The following VOPP1 variants were observed in gnomAD, a reference collection of about 807,000 sequenced individuals.
The protein encoded by VOPP1 is VOPP1 WW domain binding protein, also known as WW domain binding protein VOPP1.
VOPP1 carries 8 observed loss-of-function variants against 23.5 expected under a neutral mutation model. The ratio of observed to expected loss-of-function variants is 0.34; its 90% confidence interval spans 0.20 to 0.61. The LOEUF (loss-of-function observed/expected upper bound fraction) is 0.61, where lower values mean the gene tolerates loss of function less well. Among genes scored for constraint, VOPP1 ranks in the 20% least tolerant of loss-of-function variants. The pLI, the probability that VOPP1 is intolerant of heterozygous loss-of-function variation, is 0.78. For synonymous variants in VOPP1, 83 were observed against 97.3 expected (o/e 0.85, Z 0.86); for missense variants, 174 against 238.1 (o/e 0.73, Z 1.77).
chr7:55,552,540 G>C (rs1263848403), intron 1 of VOPP1: 2 of 1,507,254 alleles, frequency 1.3e-6, no homozygotes, highest in Non-Finnish European at 8.9e-7. Context: ...AGCAACACAA[G>C]CATGATTTTC....
chr7:55,516,920 ATATATATATATATTTTTTT>A (rs1795458690), intron 2 of VOPP1, among the ~76,000 whole-genome samples: 2 of 34,334 alleles, frequency 5.8e-5, no homozygotes, highest in African/African-American at 2.9e-4. Context: ...ATATATATAT[ATATATATATATATTTTTTT>A]TTTTTTTTTT....
At chr7:55,462,519 C>T (rs932336726) in intron 4 of VOPP1, among the ~76,000 whole-genome samples, 2 of 152,048 alleles carry the variant, frequency 1.3e-5, no homozygotes, top group Non-Finnish European at 2.9e-5. Context: ...CTCATAGGCT[C>T]TCTCTTTTGT....
intron 1 of VOPP1, among the ~76,000 whole-genome samples, chr7:55,530,238 C>T (rs1312438005): frequency 6.6e-6 from 1 of 152,118 alleles, no homozygotes; most frequent in Non-Finnish European, 1.5e-5. Context: ...CCAGTCTCTC[C>T]ACATCATCAC....
chr7:55,513,241 C>T (rs1795195961), intron 2 of VOPP1, among the ~76,000 whole-genome samples: 1 of 152,118 alleles, frequency 6.6e-6, no homozygotes, highest in African/African-American at 2.4e-5. Flanking sequence ...AACTTCCCAT[C>T]ATCCCTACAC....
intron 1 of VOPP1, among the ~76,000 whole-genome samples, chr7:55,572,047 G>T (rs1213769983): frequency 6.6e-6 from 1 of 152,110 alleles, no homozygotes; most frequent in East Asian, 1.9e-4. Context: ...GGCGGGGTGC[G>T]AAAACCGAAG....
intron 4 of VOPP1, among the ~76,000 whole-genome samples, chr7:55,445,214 CAG>C (rs1157783917): frequency 1.2e-3 from 124 of 102,320 alleles, no homozygotes; most frequent in South Asian, 2.2e-3. Context: ...CACACACACA[CAG>C]ACACACACAC....
chr7:55,567,072 C>T (rs748299321), intron 1 of VOPP1, among the ~76,000 whole-genome samples: 9 of 152,266 alleles, frequency 5.9e-5, no homozygotes, highest in East Asian at 3.9e-4. Context: ...AGTGGGTTTC[C>T]ATCACTAGAG....
chr7:55,437,033 C>T (rs201218803), intron 4 of VOPP1, among the ~76,000 whole-genome samples: 2 of 152,348 alleles, frequency 1.3e-5, no homozygotes, highest in Admixed American at 6.5e-5. Flanking sequence ...TCCCGAGCAG[C>T]ATAATCACAC....
At chr7:55,527,117 T>C (rs904445431) in intron 1 of VOPP1, 69 of 152,194 alleles carry the variant, frequency 4.5e-4, no homozygotes, top group African/African-American at 1.6e-3. Context: ...AGAAAATCTA[T>C]GCAGGGAATG....
chr7:55,508,326 G>C (rs140770950), intron 2 of VOPP1, among the ~76,000 whole-genome samples: 14 of 152,292 alleles, frequency 9.2e-5, no homozygotes, highest in African/African-American at 3.1e-4. Flanking sequence ...GGAGTGCAAT[G>C]CTGCAATCAT....
chr7:55,504,924 T>A (rs1794610681), intron 2 of VOPP1, among the ~76,000 whole-genome samples: 1 of 152,208 alleles, frequency 6.6e-6, no homozygotes, highest in Admixed American at 6.5e-5. Flanking sequence ...CATCAAAACT[T>A]CCAAGTTCTT....
rs529275902 is a variant in VOPP1, at chr7:55,448,571, C to T, written n.418-12397G>A. On this transcript the variant is annotated intron_variant and non_coding_transcript_variant, in intron 4 of 4. Transcript: ENST00000462326. ...TGGCAGTTGGCAGGAGATCTCAGCT[C>T]CACGCAGTCAGCCAGGGACTCAGGC... Among the ~76,000 whole-genome samples the T allele has an allele frequency of 1.4e-3, 209 of 152,318 alleles. 1 individual carries two copies. Among genetic ancestry groups the T allele is most frequent in the African/African-American group, 4.8e-3 (201 of 41,578 alleles).
intron 4 of VOPP1, among the ~76,000 whole-genome samples, chr7:55,460,440 A>T (rs1394698799): frequency 6.6e-6 from 1 of 152,068 alleles, no homozygotes; most frequent in African/African-American, 2.4e-5. Flanking sequence ...GTTAAAATCC[A>T]ATGTTTCTAT....
chr7:55,540,822 G>T (rs60876575), intron 1 of VOPP1, among the ~76,000 whole-genome samples: 2 of 152,072 alleles, frequency 1.3e-5, no homozygotes, highest in Admixed American at 6.6e-5. Flanking sequence ...ACAATTTTAC[G>T]GCGTAGTTTA....
At chr7:55,477,892 G>A (rs2129011103) in intron 4 of VOPP1, among the ~76,000 whole-genome samples, 1 of 152,336 alleles carries the variant, frequency 6.6e-6, no homozygotes, top group East Asian at 1.9e-4. Context: ...CCTCATGTGA[G>A]TAGCTGAGGG....
chr7:55,462,655 AT>A (rs1191796338), intron 4 of VOPP1, among the ~76,000 whole-genome samples: 1,409 of 122,594 alleles, frequency 0.011, 22 homozygotes, highest in African/African-American at 0.034. Flanking sequence ...TCTTGATTAT[AT>A]TTTTTTTTTT....
At chr7:55,553,803 A>T (rs540565918) in intron 1 of VOPP1, 1,646 of 114,220 alleles carry the variant, frequency 0.014, 13 homozygotes, top group Middle Eastern at 0.03. Flanking sequence ...ACACACACAC[A>T]CACTCACCCT....
At chr7:55,519,773 T>C (rs143771578) in intron 2 of VOPP1, among the ~76,000 whole-genome samples, 1,672 of 152,364 alleles carry the variant, frequency 0.011, 11 homozygotes, top group Middle Eastern at 0.02. Flanking sequence ...CCAGCTTCCG[T>C]GTGCTTTACC....
chr7:55,470,295 T>C (rs866998671), downstream of VOPP1, among the ~76,000 whole-genome samples: 2 of 152,204 alleles, frequency 1.3e-5, no homozygotes, highest in African/African-American at 4.8e-5. Flanking sequence ...AGAAGTGTTA[T>C]TTCTGACCAA....
Sources: allele counts gnomAD v4.1 joint callset (sites outside exome capture counted in the v4.1 genomes callset), GRCh38; gene constraint gnomAD v4.1.1; transcripts MANE v1.5; gene names NCBI Gene and HGNC (gene_info 2026-07-23, HGNC 2026-07-21).